ERI1: variants seen among roughly 807,000 people sequenced by gnomAD.
ERI1 encodes exoribonuclease 1, also known as 3'-5' exoribonuclease 1.
Under a neutral mutation model 39.7 loss-of-function variants are expected in ERI1, and 39 were observed. The ratio of observed to expected loss-of-function variants is 0.98; its 90% CI spans 0.76 to 1.28. The LOEUF (loss-of-function observed/expected upper bound fraction) is 1.28, where lower values mean the gene tolerates loss of function less well. ERI1 is among the 50% of genes most tolerant of loss of function. The pLI, the probability that ERI1 is intolerant of heterozygous loss-of-function variation, is 0.00. For synonymous variants in ERI1, 204 were observed against 149.6 expected, an observed-to-expected ratio of 1.36 and a Z score of -2.65; for missense variants, 581 against 416.9, an observed-to-expected ratio of 1.39 and a Z score of -3.43.
At chr8:9,037,104 T>C (rs902031405), downstream of ERI1, among the ~76,000 whole-genome samples, 3 of 152,174 alleles carry the variant, frequency 2.0e-5, no homozygotes, top group South Asian at 2.1e-4. Context: ...ATAAAAAACC[T>C]TCCTAAAATG....
chr8:9,084,009 G>T (rs1340840779), intron 3 of ERI1, among the ~76,000 whole-genome samples: 1 of 152,120 alleles, frequency 6.6e-6, no homozygotes, highest in Non-Finnish European at 1.5e-5. Flanking sequence ...TAGCCAGGAT[G>T]GTCTCGATCT....
chr8:9,037,194 T>C (rs905903470), downstream of ERI1, among the ~76,000 whole-genome samples: 2 of 152,206 alleles, frequency 1.3e-5, no homozygotes, highest in African/African-American at 4.8e-5. Context: ...ATAAGAACCT[T>C]CACAGTCTGA....
In ERI1 at chr8:9,003,044, C is replaced by A. The variant is rs1194885904; in HGVS notation, c.-20C>A. 1.6e-6 allele frequency: 2 copies of A among 1,238,774 alleles called. No individual in the cohort carries two copies. Among genetic ancestry groups the A allele is most frequent in the East Asian group, 3.2e-5 (1 of 31,662 alleles). The allele number at this position is 1,238,774 out of a possible 1,614,324, so 76.7% of individuals were successfully genotyped here. A position where few individuals can be genotyped will look rare whatever the true frequency, so the allele number is the denominator to read the frequency against. Reference sequence around the variant, plus strand: ...GCAAGTGTCCGGCTCCAGCAACTCTCCTCTGGCGTGACAGCCGGCATGGAG... The same window carrying A: ...GCAAGTGTCCGGCTCCAGCAACTCTACTCTGGCGTGACAGCCGGCATGGAG... On this transcript the variant is annotated 5_prime_UTR_variant, in exon 1 of 7. Transcript: ENST00000250263.
chr8:9,085,729 TAGAG>T (rs1163251993), intron 3 of ERI1, among the ~76,000 whole-genome samples: 1 of 151,964 alleles, frequency 6.6e-6, no homozygotes, highest in Non-Finnish European at 1.5e-5. Flanking sequence ...CAGTAAAAGT[TAGAG>T]GAGGAGTCAA....
intron 3 of ERI1, among the ~76,000 whole-genome samples, chr8:9,058,353 T>C (rs1798580650): frequency 6.6e-6 from 1 of 152,188 alleles, no homozygotes; most frequent in African/African-American, 2.4e-5. Context: ...TTAACTAATG[T>C]CTGAGCATTT....
At chr8:9,035,999 G>C (rs541156539), downstream of ERI1, among the ~76,000 whole-genome samples, 1 of 152,300 alleles carries the variant, frequency 6.6e-6, no homozygotes, top group South Asian at 2.1e-4. Flanking sequence ...AATACCAAGA[G>C]AACTAGAAGT....
chr8:9,018,391 C>G lies in ERI1; in HGVS notation c.677C>G (p.Ser226Ter). The change falls in exon 5 of 7, where the codon TCA (serine) becomes TGA (stop). Residue 226 changes from serine to a stop codon, truncating the protein, a stop_gained. Transcript: ENST00000250263. LOFTEE classifies it high-confidence loss of function. The part of the protein sequence containing the change: ...LKELGTKYKY[S>*]LLTDGSWDMS... Reference sequence around the variant, plus strand: ...GAATTAGGAACAAAGTATAAATACTCACTTTTAACAGATGGGTAAGTATTT... The same window carrying G: ...GAATTAGGAACAAAGTATAAATACTGACTTTTAACAGATGGGTAAGTATTT... 1 of 1,561,868 alleles carries G rather than the reference C, an allele frequency of 6.4e-7. No homozygotes were observed.
At chr8:9,023,873 A>C (rs1818190603) in intron 6 of ERI1, among the ~76,000 whole-genome samples, 1 of 129,350 alleles carries the variant, frequency 7.7e-6, no homozygotes, top group African/African-American at 3.0e-5. Flanking sequence ...ATCTCAGCTC[A>C]CTGCAGCCTC....
At chr8:9,022,108 T>C (rs1293688508) in intron 6 of ERI1, among the ~76,000 whole-genome samples, 1 of 152,174 alleles carries the variant, frequency 6.6e-6, no homozygotes, top group African/African-American at 2.4e-5. Flanking sequence ...GTTTGCACTC[T>C]TATCAGTGCT....
In ERI1 at chr8:9,002,938, G is replaced by GGCC. The variant is rs1180404928; in HGVS notation, c.-117_-115dup. On this transcript the variant is annotated 5_prime_UTR_variant, in exon 1 of 7. Transcript: ENST00000250263. ...GGGAGGTGGCCGCTGGAGTTTGTGT[G>GGCC]GCCGCCGCCGCGGGAACGCGAGCCC... The GGCC allele has an allele frequency of 6.0e-6, 4 of 665,600 alleles. No individual in the cohort carries two copies. Among genetic ancestry groups the GGCC allele is most frequent in the Non-Finnish European group, 8.5e-6 (4 of 470,264 alleles). The allele number at this position is 665,600 out of a possible 1,614,324, so 41.2% of individuals were successfully genotyped here. A position where few individuals can be genotyped will look rare whatever the true frequency, so the allele number is the denominator to read the frequency against.
chr8:9,088,440 C>T (rs924878484), intron 3 of ERI1: 3 of 152,194 alleles, frequency 2.0e-5, no homozygotes, highest in Non-Finnish European at 4.4e-5. Flanking sequence ...AAGCTCTCGA[C>T]ATTCTTATTA....
chr8:9,040,104 C>T (rs1318319101), intron 3 of ERI1, among the ~76,000 whole-genome samples: 4 of 152,136 alleles, frequency 2.6e-5, no homozygotes, highest in Non-Finnish European at 5.9e-5. Context: ...CTTAGAAGAA[C>T]AGCTGTTTGT....
chr8:9,084,056 A>G (rs529034419), intron 3 of ERI1, among the ~76,000 whole-genome samples: 11 of 152,166 alleles, frequency 7.2e-5, no homozygotes, highest in Admixed American at 5.9e-4. Context: ...GCCTCCCAAA[A>G]TGCTGGGATT....
downstream of ERI1, among the ~76,000 whole-genome samples, chr8:9,037,547 C>T (rs1005819512): frequency 2.0e-5 from 3 of 151,642 alleles, no homozygotes. Context: ...TATTCAGGCA[C>T]AGGTTCTTAC....
At chr8:9,050,341 C>G (rs1416242371) in intron 3 of ERI1, among the ~76,000 whole-genome samples, 1 of 152,098 alleles carries the variant, frequency 6.6e-6, no homozygotes, top group Non-Finnish European at 1.5e-5. Context: ...AACCCCATCT[C>G]TACTAAAAAT....
intron 3 of ERI1, among the ~76,000 whole-genome samples, chr8:9,012,397 A>G (rs891314870): frequency 3.3e-5 from 5 of 152,268 alleles, no homozygotes; most frequent in African/African-American, 1.2e-4. Flanking sequence ...AAATCTGAGC[A>G]AGAATATCCT....
chr8:9,074,238 G>C (rs112611690), intron 3 of ERI1, among the ~76,000 whole-genome samples: 2 of 151,546 alleles, frequency 1.3e-5, no homozygotes, highest in South Asian at 4.2e-4. Flanking sequence ...AGCTTCCCGA[G>C]TAGCCTGGAT....
intron 3 of ERI1, among the ~76,000 whole-genome samples, chr8:9,054,524 G>T (rs994538910): frequency 2.0e-5 from 3 of 152,196 alleles, no homozygotes; most frequent in African/African-American, 7.2e-5. Context: ...AAATTTATTT[G>T]ATTCTAGTTT....
chr8:9,028,360 C>G (rs905897047), intron 6 of ERI1, among the ~76,000 whole-genome samples: 6 of 152,162 alleles, frequency 3.9e-5, no homozygotes, highest in Non-Finnish European at 7.3e-5. Flanking sequence ...GTTGGGCAAA[C>G]TATTTTTAGA....
Sources: allele counts gnomAD v4.1 joint callset (sites outside exome capture counted in the v4.1 genomes callset), GRCh38; gene constraint gnomAD v4.1.1; transcripts MANE v1.5; gene names NCBI Gene and HGNC (gene_info 2026-07-23, HGNC 2026-07-21).